The following IL1RN variants were observed in gnomAD, a reference collection of about 807,000 sequenced individuals.
IL1RN encodes interleukin-1 receptor antagonist protein.
In IL1RN, 10 loss-of-function variants were observed where a neutral mutation model predicts 13.7. The observed-to-expected ratio is 0.73, with a 90% confidence interval of 0.45 to 1.24. The LOEUF is 1.24. IL1RN is among the 50% of genes most tolerant of loss of function. The pLI, the probability that IL1RN is intolerant of heterozygous loss-of-function variation, is 0.00. For missense variants in IL1RN, 213 were observed against 222.1 expected (o/e 0.96, Z 0.26); for synonymous variants, 102 against 82.7 (o/e 1.23, Z -1.27).
At chr2:113,131,258 G>A in intron 3 of IL1RN, 101 bp downstream of exon 3, 2 of 768,008 alleles carry the variant, frequency 2.6e-6, no homozygotes, top group Non-Finnish European at 4.7e-6. Context: ...GATTAGCTGG[G>A]TAGTTCTGTT....
upstream of IL1RN, among the ~76,000 whole-genome samples, chr2:113,107,849 A>T (rs1488038752): frequency 6.6e-6 from 1 of 152,180 alleles, no homozygotes; most frequent in Non-Finnish European, 1.5e-5. Context: ...TTCTTTTTAA[A>T]ATTTTTTTTG....
upstream of IL1RN, among the ~76,000 whole-genome samples, chr2:113,110,939 A>G (rs918807312): frequency 2.0e-5 from 3 of 152,210 alleles, no homozygotes; most frequent in African/African-American, 7.2e-5. Flanking sequence ...ATGCCTACCA[A>G]CTTCCCTGAT....
chr2:113,124,627 A>G, upstream of IL1RN, among the ~76,000 whole-genome samples: 1 of 152,172 alleles, frequency 6.6e-6, no homozygotes, highest in East Asian at 1.9e-4. Context: ...AGTATTTCCC[A>G]AGTGCCAGGG....
chr2:113,119,449 C>T (rs571833838), intron 1 of IL1RN, among the ~76,000 whole-genome samples: 1 of 152,300 alleles, frequency 6.6e-6, no homozygotes, highest in South Asian at 2.1e-4. Flanking sequence ...GCTATGGGGG[C>T]ACAGAGACTT....
chr2:113,125,757 C>G (rs1686932241), upstream of IL1RN, among the ~76,000 whole-genome samples: 1 of 152,118 alleles, frequency 6.6e-6, no homozygotes, highest in Non-Finnish European at 1.5e-5. Context: ...CCTGTGCTGC[C>G]CTCACAAGCT....
At chr2:113,106,038 C>A (rs1686381649), upstream of IL1RN, among the ~76,000 whole-genome samples, 1 of 152,208 alleles carries the variant, frequency 6.6e-6, no homozygotes, top group South Asian at 2.1e-4. Context: ...TCTGCTAATT[C>A]ATTAGTTGTT....
chr2:113,116,834 A>G (rs1487393473), upstream of IL1RN, among the ~76,000 whole-genome samples: 1 of 152,188 alleles, frequency 6.6e-6, no homozygotes, highest in Admixed American at 6.5e-5. Flanking sequence ...CATTTTATGT[A>G]CTGCGTGTCA....
At chr2:113,130,503 C>T (rs1687132841) in intron 2 of IL1RN, among the ~76,000 whole-genome samples, 1 of 152,254 alleles carries the variant, frequency 6.6e-6, no homozygotes, top group Admixed American at 6.5e-5. Context: ...CCCTCAGCAA[C>T]ACTCCTATTG....
chr2:113,130,237 T>C (rs1687114534), intron 2 of IL1RN: 1 of 166,312 alleles, frequency 6.0e-6, no homozygotes, highest in South Asian at 1.5e-4. Flanking sequence ...CTCCCCTGTT[T>C]GTTGTTGTAG....
intron 1 of IL1RN, among the ~76,000 whole-genome samples, chr2:113,111,841 C>A (rs1686504113): frequency 6.6e-6 from 1 of 152,266 alleles, no homozygotes; most frequent in African/African-American, 2.4e-5. Context: ...CCCTTACTTG[C>A]AGAGGCAAAG....
At chr2:113,126,774 A>T (rs1686976377), upstream of IL1RN, among the ~76,000 whole-genome samples, 1 of 152,084 alleles carries the variant, frequency 6.6e-6, no homozygotes, top group Non-Finnish European at 1.5e-5. Flanking sequence ...GGCTCAACTA[A>T]TGAAATGATT....
chr2:113,127,997 T>C (rs1687025895), intron 1 of IL1RN, among the ~76,000 whole-genome samples: 1 of 152,242 alleles, frequency 6.6e-6, no homozygotes, highest in African/African-American at 2.4e-5. Flanking sequence ...GAGTAATAGA[T>C]GCATGCCAAG....
chr2:113,117,921 G>T, exon 1 of IL1RN: 1 of 807,674 alleles, frequency 1.2e-6, no homozygotes, highest in Non-Finnish European at 2.3e-6. Flanking sequence ...AGGGACTGTG[G>T]CCCAGGTACT....
intron 2 of IL1RN, among the ~76,000 whole-genome samples, chr2:113,121,135 T>TTCGTCG (rs1686768822): frequency 6.6e-6 from 1 of 150,862 alleles, no homozygotes; most frequent in African/African-American, 2.4e-5. Flanking sequence ...CTTATTCTTC[T>TTCGTCG]TCATCGTCTT....
At chr2:113,125,250 T>G (rs765665588), upstream of IL1RN, among the ~76,000 whole-genome samples, 2 of 152,212 alleles carry the variant, frequency 1.3e-5, no homozygotes, top group African/African-American at 2.4e-5. Flanking sequence ...TTTGGAAATT[T>G]TAAACGCTAA....
chr2:113,123,028 G>A (rs916519475), upstream of IL1RN, among the ~76,000 whole-genome samples: 4 of 152,206 alleles, frequency 2.6e-5, no homozygotes, highest in East Asian at 7.7e-4. Flanking sequence ...AGGAGGTTGA[G>A]GCAGGGGAAT....
upstream of IL1RN, among the ~76,000 whole-genome samples, chr2:113,109,411 T>TAAAAA (rs35727625): frequency 4.5e-5 from 6 of 133,098 alleles, no homozygotes; most frequent in African/African-American, 5.6e-5. Context: ...AAACGCCATC[T>TAAAAA]AAAAAAAAAA....
chr2:113,116,856 G>A (rs183022646), upstream of IL1RN, among the ~76,000 whole-genome samples: 29 of 152,282 alleles, frequency 1.9e-4, no homozygotes, highest in Admixed American at 3.3e-4. Context: ...TCATGCTTCC[G>A]GTGAGCCCTA....
At position 113,127,748 on chromosome 2, in the gene IL1RN, T is replaced by C; in HGVS notation, c.116+8T>C. 1 of 1,613,242 alleles carries C rather than the reference T, an allele frequency of 6.2e-7. No homozygotes were observed. The highest frequency in any genetic ancestry group is 8.5e-7 in the Non-Finnish European group (1 of 1,179,720). Reference sequence around the variant, plus strand: ...CAAGATGCAAGCCTTCAGGTAAGGCTACCCCAAGGAGGAGAAGGTGAGGGT... The same window carrying C: ...CAAGATGCAAGCCTTCAGGTAAGGCCACCCCAAGGAGGAGAAGGTGAGGGT... On this transcript the variant is annotated splice_region_variant and intron_variant, in intron 1 of 3. Coordinates refer to ENST00000409930, the MANE Select transcript of IL1RN (RefSeq NM_173842.3).
Sources: gnomAD v4.1 joint callset for allele counts (sites outside exome capture counted in the v4.1 genomes callset) on GRCh38, gnomAD v4.1.1 for gene constraint, MANE v1.5 for transcripts, NCBI Gene and HGNC (gene_info 2026-07-23, HGNC 2026-07-21) for gene names.